The following DOP1B variants were observed in gnomAD, a reference collection of about 807,000 sequenced individuals.
DOP1B encodes the protein protein DOP1B.
In DOP1B, 174 loss-of-function variants were observed where a neutral mutation model predicts 233.5. The ratio of observed to expected loss-of-function variants is 0.75; its 90% CI spans 0.66 to 0.85. DOP1B has a LOEUF of 0.85. Ranked by LOEUF, DOP1B falls within the 40% of genes least tolerant of loss-of-function variation. DOP1B has a pLI of 0.00. For missense variants in DOP1B, 2,652 were observed against 2,846.6 expected (o/e 0.93, Z 1.56); for synonymous variants, 1,190 against 1,185.6 (o/e 1.00, Z -0.08).
In DOP1B at chr21:36,221,858, C is replaced by T. The variant is rs529988591; in HGVS notation, c.1251-1373C>T. Among the ~76,000 whole-genome samples the T allele has an allele frequency of 3.3e-5, 5 of 152,112 alleles. No homozygotes were observed. In the East Asian group the frequency reaches 9.8e-4, roughly 30 times the overall value. Reference sequence around the variant, plus strand: ...CCCAAAGCACTGGGATTACAGGCATCAGCCACTGCGCACAGCCTGTTTGTT... The same window carrying T: ...CCCAAAGCACTGGGATTACAGGCATTAGCCACTGCGCACAGCCTGTTTGTT... On this transcript the variant is annotated intron_variant, in intron 10 of 36. Transcript: ENST00000691173.
intron 27 of DOP1B, 97 bp from the exon 28 acceptor site, chr21:36,276,924 G>C: frequency 8.9e-7 from 1 of 1,123,440 alleles, no homozygotes; most frequent in Non-Finnish European, 1.3e-6. Context: ...TATGAAAGGC[G>C]GGAGCTGATG....
In DOP1B at chr21:36,248,480, T is replaced by G; in HGVS notation, c.4910T>G (p.Val1637Gly). ...TVNTMALLWN[V>G]LRKEETQKRP... ...AACACCATGGCCCTTCTCTGGAATG[T>G]TCTCAGAAAGGAGGAGACTCAAAAG... The change falls in exon 21 of 37, where the codon GTT becomes GGT. Residue 1637 changes from valine to glycine, a missense_variant. Physicochemically the swap from Val to Gly is moderately radical, Grantham distance 109. Around this residue, in one of 3 missense-constraint regions of DOP1B, gnomAD observed 2,617 missense variants for 2,794.3 expected, o/e 0.94. Coordinates refer to ENST00000691173, the MANE Select transcript of DOP1B (RefSeq NM_001320714.2). The G allele has an allele frequency of 6.2e-7, 1 of 1,614,166 alleles. No individual in the cohort carries two copies. Among genetic ancestry groups the G allele is most frequent in the Non-Finnish European group, 8.5e-7 (1 of 1,180,018 alleles).
At position 36,277,964 on chromosome 21, in the gene DOP1B, T is replaced by C; in HGVS notation, c.5713-11T>C. On this transcript the variant is annotated splice_polypyrimidine_tract_variant and intron_variant, in intron 28 of 36. Transcript: ENST00000691173. ...GCCAGTTTCTGTTTTCTTAGGGCCT[T>C]GTTCTTTTAGGTACTGGCTTCCCTC... 1 of 1,612,468 alleles carries C rather than the reference T, an allele frequency of 6.2e-7. No individual in the cohort carries two copies. The highest frequency in any genetic ancestry group is 8.5e-7 in the Non-Finnish European group (1 of 1,178,556).
At chr21:36,263,246 A>C (rs2067194184) in intron 24 of DOP1B, among the ~76,000 whole-genome samples, 1 of 151,510 alleles carries the variant, frequency 6.6e-6, no homozygotes. Context: ...CCAAAAAAAA[A>C]AAAAAAAAGG....
In DOP1B at chr21:36,277,963, T is replaced by G. The variant is rs751867077; in HGVS notation, c.5713-12T>G. 6.2e-7 allele frequency: 1 copy of G among 1,611,864 alleles called. No homozygotes were observed. Among genetic ancestry groups the G allele is most frequent in the Admixed American group, 1.7e-5 (1 of 59,980 alleles). On this transcript the variant is annotated splice_polypyrimidine_tract_variant and intron_variant, in intron 28 of 36. Coordinates refer to ENST00000691173, the MANE Select transcript of DOP1B (RefSeq NM_001320714.2). The stretch of plus-strand genomic sequence containing the variant: ...GGCCAGTTTCTGTTTTCTTAGGGCC[T>G]TGTTCTTTTAGGTACTGGCTTCCCT...
At chr21:36,203,439 G>A (rs1049959973) in intron 4 of DOP1B, among the ~76,000 whole-genome samples, 1 of 152,234 alleles carries the variant, frequency 6.6e-6, no homozygotes, top group Admixed American at 6.5e-5. Flanking sequence ...GTGGTGACAG[G>A]CACCTGTAAT....
chr21:36,270,305 C>G (rs2067272742), intron 27 of DOP1B, 148 bp downstream of exon 27: 2 of 863,178 alleles, frequency 2.3e-6, no homozygotes, highest in Admixed American at 5.5e-5. Context: ...GTAATCCCAG[C>G]ACTTTGGGAG....
intron 12 of DOP1B, among the ~76,000 whole-genome samples, chr21:36,227,014 G>A (rs2066693041): frequency 6.6e-6 from 1 of 151,708 alleles, no homozygotes; most frequent in African/African-American, 2.4e-5. Context: ...GACCACCCTG[G>A]CTAACACGGT....
chr21:36,262,481 G>C (rs1003085023), intron 24 of DOP1B, among the ~76,000 whole-genome samples: 1 of 152,184 alleles, frequency 6.6e-6, no homozygotes, highest in Non-Finnish European at 1.5e-5. Flanking sequence ...GCTACAGAGC[G>C]GGGTAGGCCA....
At chr21:36,247,020 C>T (rs1219017684) in intron 19 of DOP1B, among the ~76,000 whole-genome samples, 1 of 152,166 alleles carries the variant, frequency 6.6e-6, no homozygotes, top group African/African-American at 2.4e-5. Context: ...GCTGGGATTA[C>T]AGGTGCCTAC....
chr21:36,170,009 G>A (rs1601377889), intron 2 of DOP1B: 8 of 747,686 alleles, frequency 1.1e-5, no homozygotes, highest in South Asian at 4.1e-5. Context: ...TCGACTTCCC[G>A]TGTGATGTGG....
intron 32 of DOP1B, 47 bp from the exon 33 acceptor site, chr21:36,287,967 C>T (rs776973355): frequency 1.0e-4 from 166 of 1,592,380 alleles, no homozygotes; most frequent in Non-Finnish European, 1.4e-4. Context: ...GATAAGAAAC[C>T]CTAAACTGCA....
intron 15 of DOP1B, among the ~76,000 whole-genome samples, chr21:36,235,598 C>A (rs1194118453): frequency 6.6e-6 from 1 of 151,874 alleles, no homozygotes; most frequent in African/African-American, 2.4e-5. Context: ...CATGGTGGCA[C>A]ACACCTGTAG....
At chr21:36,258,686 C>T (rs529469964) in intron 23 of DOP1B, among the ~76,000 whole-genome samples, 1 of 152,258 alleles carries the variant, frequency 6.6e-6, no homozygotes, top group African/African-American at 2.4e-5. Flanking sequence ...CAGTGTTAAT[C>T]GACAATGCTC....
chr21:36,193,160 G>A (rs1160273772), intron 2 of DOP1B, among the ~76,000 whole-genome samples: 6 of 152,156 alleles, frequency 3.9e-5, no homozygotes, highest in Admixed American at 2.0e-4. Context: ...CTCATCCATT[G>A]CGAGGTTCAT....
intron 9 of DOP1B, among the ~76,000 whole-genome samples, chr21:36,217,956 C>T (rs569225515): frequency 2.6e-5 from 4 of 152,324 alleles, no homozygotes; most frequent in East Asian, 1.9e-4. Context: ...GGCTCCAGGT[C>T]GTATTTTCTG....
intron 2 of DOP1B, chr21:36,169,698 G>A (rs2123402554): frequency 1.1e-6 from 1 of 911,796 alleles, no homozygotes; most frequent in East Asian, 2.4e-5. Flanking sequence ...TGGGCAGCGA[G>A]GCGGGTGACT....
At chr21:36,170,479 C>T (rs1601378372) in intron 2 of DOP1B, 1 of 166,118 alleles carries the variant, frequency 6.0e-6, no homozygotes, top group Non-Finnish European at 1.3e-5. Context: ...ACTTGTAGTC[C>T]CAGCTACCCA....
chr21:36,288,743 AT>A lies in DOP1B; in HGVS notation c.6298-4del, dbSNP rs35902930. 1.8e-4 allele frequency: 278 copies of A among 1,573,340 alleles called. 1 individual carries two copies. Among genetic ancestry groups the A allele is most frequent in the Admixed American group, 2.6e-4 (15 of 57,472 alleles). On this transcript the variant is annotated splice_polypyrimidine_tract_variant and intron_variant, in intron 33 of 36. Transcript: ENST00000691173. ...CTGTCTCAGATAGTAACTTGAATGC[AT>A]TTTTTTTTCAGATTCAGACATTCAC...
Sources: allele counts gnomAD v4.1 joint callset (sites outside exome capture counted in the v4.1 genomes callset), GRCh38; gene constraint gnomAD v4.1.1; regional missense constraint gnomAD v4.1.1; transcripts MANE v1.5; gene names NCBI Gene and HGNC (gene_info 2026-07-23, HGNC 2026-07-21).